CNTRL: variants seen among roughly 807,000 people sequenced by gnomAD.
CNTRL encodes 110 kDa centrosomal protein.
In CNTRL, 233 loss-of-function variants were observed where a neutral mutation model predicts 303.7. The observed-to-expected ratio is 0.77, with a 90% CI of 0.69 to 0.86. The LOEUF is 0.86. Ranked by LOEUF, CNTRL falls within the 40% of genes least tolerant of loss-of-function variation. The pLI is 0.00. For missense variants in CNTRL, 2,524 were observed against 2,650.6 expected (o/e 0.95, Z 1.05); for synonymous variants, 900 against 922.2 (o/e 0.98, Z 0.44).
At chr9:121,116,642 T>G (rs1387819471) in intron 11 of CNTRL, among the ~76,000 whole-genome samples, 1 of 152,214 alleles carries the variant, frequency 6.6e-6, no homozygotes, top group Non-Finnish European at 1.5e-5. Flanking sequence ...ATGGGAAATC[T>G]TTGAAGGGCT....
chr9:121,120,705 T>C (rs2050186974), intron 12 of CNTRL, among the ~76,000 whole-genome samples: 1 of 152,220 alleles, frequency 6.6e-6, no homozygotes, highest in African/African-American at 2.4e-5. Context: ...GTTATATTTC[T>C]GGCGGACAGA....
chr9:121,153,943 T>C (rs534272719), intron 26 of CNTRL, among the ~76,000 whole-genome samples: 4 of 152,198 alleles, frequency 2.6e-5, no homozygotes, highest in Non-Finnish European at 4.4e-5. Context: ...GTTATTTTTG[T>C]GGGTATACAC....
Position 121,168,115 on chromosome 9 carries a change from AAGAGAG to A in CNTRL, c.5868_5873del (p.Arg1957_Glu1958del). The A allele has an allele frequency of 6.2e-7, 1 of 1,612,760 alleles. No homozygotes were observed. Among genetic ancestry groups the A allele is most frequent in the Non-Finnish European group, 8.5e-7 (1 of 1,179,824 alleles). On this transcript the variant is annotated inframe_deletion, in exon 38 of 44. Coordinates refer to ENST00000373855, the MANE Select transcript of CNTRL (RefSeq NM_007018.6). The stretch of plus-strand genomic sequence containing the variant: ...ATTAAGATGTTTCAGAGACTCCAGA[AAGAGAG>A]AGAAAGTGAAGAAAGCAAATTAGAA...
chr9:121,141,614 G>C, intron 18 of CNTRL, 26 bp downstream of exon 18: 5 of 1,600,318 alleles, frequency 3.1e-6, no homozygotes, highest in Non-Finnish European at 4.3e-6. Context: ...GAGGCACCTG[G>C]AGGGAAGTGT....
intron 12 of CNTRL, chr9:121,121,712 G>A: frequency 6.8e-6 from 6 of 880,110 alleles, no homozygotes; most frequent in Non-Finnish European, 8.2e-6. Context: ...TTTAACTCGC[G>A]GAGGGTGGGG....
chr9:121,160,779 A>C (rs969174798), intron 32 of CNTRL, among the ~76,000 whole-genome samples: 1 of 152,218 alleles, frequency 6.6e-6, no homozygotes, highest in Non-Finnish European at 1.5e-5. Flanking sequence ...CAGGAGTTCA[A>C]AACTACCTGG....
intron 39 of CNTRL, 186 bp from the exon 40 acceptor site, chr9:121,171,222 G>A: frequency 4.4e-6 from 3 of 683,740 alleles, no homozygotes; most frequent in Admixed American, 2.0e-5. Flanking sequence ...AACAGACTCT[G>A]ACGTGTATAT....
chr9:121,121,957 A>G (rs2050252729), intron 12 of CNTRL: 1 of 982,924 alleles, frequency 1.0e-6, no homozygotes, highest in Non-Finnish European at 1.2e-6. Flanking sequence ...TTAAGGTATG[A>G]TATTTTTTCT....
chr9:121,080,992 T>G (rs912563582), intron 2 of CNTRL, among the ~76,000 whole-genome samples: 8 of 152,346 alleles, frequency 5.3e-5, no homozygotes, highest in Admixed American at 2.6e-4. Flanking sequence ...TGTGGACAGC[T>G]GTATAGAAAT....
At chr9:121,075,171 C>A (rs964626462) in intron 1 of CNTRL, 104 bp downstream of exon 1, 50 of 342,368 alleles carry the variant, frequency 1.5e-4, no homozygotes, top group African/African-American at 9.1e-4. Flanking sequence ...TGTGGGCCGG[C>A]TTGGGATGGA....
chr9:121,161,047 T>C (rs1203215736), intron 32 of CNTRL, among the ~76,000 whole-genome samples: 1 of 152,036 alleles, frequency 6.6e-6, no homozygotes, highest in African/African-American at 2.4e-5. Flanking sequence ...TTTAATGACA[T>C]GCAAACATGA....
rs1165857041 is a variant in CNTRL at position 121,125,904 on chromosome 9, A to T, written c.1993A>T (p.Ile665Leu). The T allele has an allele frequency of 6.2e-7, 1 of 1,614,226 alleles. No individual in the cohort carries two copies. The highest frequency in any genetic ancestry group is 1.3e-5 in the African/African-American group (1 of 75,060). The change falls in exon 14 of 44, where the codon ATA becomes TTA. Residue 665 changes from isoleucine to leucine, a missense_variant. Transcript: ENST00000373855. ...CGAGCAGGAGAGAGACCAGCTGGAA[A>T]TAGTTGCCATGGATGCAGAAAATAT... ...EVEQERDQLE[I>L]VAMDAENMRK...
intron 2 of CNTRL, among the ~76,000 whole-genome samples, chr9:121,081,156 C>G (rs1489266317): frequency 6.6e-6 from 1 of 152,172 alleles, no homozygotes; most frequent in Non-Finnish European, 1.5e-5. Flanking sequence ...GTCTTAATTT[C>G]TTTATGGCCA....
intron 17 of CNTRL, 116 bp downstream of exon 17, chr9:121,140,902 T>C: frequency 2.1e-6 from 2 of 973,516 alleles, no homozygotes; most frequent in South Asian, 4.6e-5. Context: ...AAATTTCTTT[T>C]GTAAGGTTCT....
intron 22 of CNTRL, 41 bp from the exon 23 acceptor site, chr9:121,146,067 G>A (rs7023214): frequency 0.68 from 1,031,100 of 1,511,294 alleles, 359,476 homozygotes; most frequent in South Asian, 0.89. Context: ...AAGGAAGTAA[G>A]TGATTTCATA....
chr9:121,080,051 G>A (rs970647480), intron 1 of CNTRL, among the ~76,000 whole-genome samples: 1 of 152,116 alleles, frequency 6.6e-6, no homozygotes, highest in African/African-American at 2.4e-5. Context: ...GAGAACAAAG[G>A]AAACATAATC....
At chr9:121,162,385 G>A in intron 34 of CNTRL, 114 bp downstream of exon 34, 1 of 836,324 alleles carries the variant, frequency 1.2e-6, no homozygotes, top group Non-Finnish European at 1.9e-6. Flanking sequence ...CACAAACTTG[G>A]TATCATAATA....
Position 121,125,745 on chromosome 9 carries a change from A to T in CNTRL, c.1834A>T (p.Lys612Ter), listed in dbSNP as rs752643762. 11 of 1,614,144 alleles carry T rather than the reference A, an allele frequency of 6.8e-6. No individual in the cohort carries two copies. Among genetic ancestry groups the T allele is most frequent in the Non-Finnish European group, 9.3e-6 (11 of 1,180,012 alleles). ...GATAGCAGCAAATGAAGCCCTGAAGAAGGATTTAGAAGGTGTTATCAGTGG... is the reference window on the plus strand; with the variant it reads ...GATAGCAGCAAATGAAGCCCTGAAGTAGGATTTAGAAGGTGTTATCAGTGG... ...GQIAANEALKKDLEGVISGLQ... is the reference protein window; with the variant it reads ...GQIAANEALK Residue 612 changes from lysine (K) to a stop codon, truncating the protein, a stop_gained, in exon 14 of 44, where the codon AAG becomes TAG. Coordinates refer to ENST00000373855, the MANE Select transcript of CNTRL (RefSeq NM_007018.6). LOFTEE classifies it high-confidence loss of function.
At chr9:121,121,602 A>G (rs1418441272) in intron 12 of CNTRL, among the ~76,000 whole-genome samples, 1 of 152,218 alleles carries the variant, frequency 6.6e-6, no homozygotes, top group Non-Finnish European at 1.5e-5. Context: ...GAAATGTCCT[A>G]TTGGAAGCAA....
Sources: allele counts gnomAD v4.1 joint callset (sites outside exome capture counted in the v4.1 genomes callset), GRCh38; gene constraint gnomAD v4.1.1; transcripts MANE v1.5; gene names NCBI Gene and HGNC (gene_info 2026-07-23, HGNC 2026-07-21).